TMEM117: variants seen among roughly 807,000 people sequenced by gnomAD.
TMEM117 encodes transmembrane protein 117.
A neutral mutation model predicts 52.4 loss-of-function variants in TMEM117; 27 were observed. That is an observed-to-expected ratio of 0.51 (90% CI 0.38 to 0.71). The LOEUF (loss-of-function observed/expected upper bound fraction) is 0.71, where lower values mean the gene tolerates loss of function less well. Among genes scored for constraint, TMEM117 ranks in the 30% least tolerant of loss-of-function variants. The pLI is 0.00. For missense variants in TMEM117, 556 were observed against 630.5 expected, an observed-to-expected ratio of 0.88 and a Z score of 1.26; for synonymous variants, 215 against 206.3, an observed-to-expected ratio of 1.04 and a Z score of -0.36.
chr12:43,835,490 G>A (rs1345513279), upstream of TMEM117, among the ~76,000 whole-genome samples: 1 of 152,114 alleles, frequency 6.6e-6, no homozygotes, highest in Non-Finnish European at 1.5e-5. Context: ...ATGTGTGTGT[G>A]TGTGTGTGAT....
At chr12:44,205,302 C>T (rs1483597315) in intron 4 of TMEM117, among the ~76,000 whole-genome samples, 1 of 152,166 alleles carries the variant, frequency 6.6e-6, no homozygotes, top group Non-Finnish European at 1.5e-5. Context: ...CCTGTACAAG[C>T]TCTCTTGTTT....
At chr12:44,195,426 T>G (rs565392850) in intron 4 of TMEM117, among the ~76,000 whole-genome samples, 3 of 152,150 alleles carry the variant, frequency 2.0e-5, no homozygotes. Flanking sequence ...CCCAATAATC[T>G]TTCTTTTGCT....
chr12:44,099,299 A>G (rs1483511203), intron 3 of TMEM117, among the ~76,000 whole-genome samples: 2 of 152,060 alleles, frequency 1.3e-5, no homozygotes, highest in African/African-American at 2.4e-5. Flanking sequence ...AAATACTTAA[A>G]TAGATTTCTG....
chr12:43,811,898 A>G, the TMEM117 span, among the ~76,000 whole-genome samples: 2 of 152,246 alleles, frequency 1.3e-5, no homozygotes, highest in Non-Finnish European at 2.9e-5. Flanking sequence ...TGGTTATCAG[A>G]TTTAGAAATA....
chr12:44,332,535 G>A (rs1951284589), intron 6 of TMEM117, among the ~76,000 whole-genome samples: 2 of 151,806 alleles, frequency 1.3e-5, no homozygotes, highest in Admixed American at 1.3e-4. Context: ...TTATAATCCT[G>A]GCATAATTAA....
intron 6 of TMEM117, among the ~76,000 whole-genome samples, chr12:44,340,655 A>G (rs73088686): frequency 0.01 from 1,542 of 152,208 alleles, 11 homozygotes; most frequent in Non-Finnish European, 0.016. Flanking sequence ...TACTGAAAGA[A>G]TATCTAGTAG....
chr12:44,278,053 C>T (rs1002402880), intron 5 of TMEM117, among the ~76,000 whole-genome samples: 3 of 152,094 alleles, frequency 2.0e-5, no homozygotes, highest in Non-Finnish European at 4.4e-5. Flanking sequence ...TGAGCCACTG[C>T]GCCTGGCCAA....
intron 5 of TMEM117, among the ~76,000 whole-genome samples, chr12:44,220,203 A>G (rs1460810116): frequency 6.6e-6 from 1 of 152,152 alleles, no homozygotes; most frequent in African/African-American, 2.4e-5. Context: ...TGGTAGAGTT[A>G]TTTCTCATGG....
At chr12:44,046,414 G>T (rs2137911851) in intron 3 of TMEM117, among the ~76,000 whole-genome samples, 1 of 152,320 alleles carries the variant, frequency 6.6e-6, no homozygotes, top group South Asian at 2.1e-4. Flanking sequence ...AGGTTAGGAA[G>T]AGCATGCATG....
chr12:44,276,720 T>A (rs1950515904), intron 5 of TMEM117, among the ~76,000 whole-genome samples: 1 of 152,194 alleles, frequency 6.6e-6, no homozygotes, highest in East Asian at 1.9e-4. Flanking sequence ...ATTGTATACA[T>A]ATATCAAAGC....
the TMEM117 span, among the ~76,000 whole-genome samples, chr12:44,396,575 C>T: frequency 6.6e-6 from 1 of 151,986 alleles, no homozygotes; most frequent in African/African-American, 2.4e-5. Context: ...TCATTTAGGC[C>T]GGGTGCGGTG....
intron 6 of TMEM117, among the ~76,000 whole-genome samples, chr12:44,344,493 C>T (rs1565737442): frequency 6.6e-6 from 1 of 152,118 alleles, no homozygotes; most frequent in East Asian, 1.9e-4. Context: ...CAGTTGGCAC[C>T]AATAAGAATA....
chr12:43,927,965 CTTCT>C (rs1385754851), intron 2 of TMEM117, among the ~76,000 whole-genome samples: 3 of 151,548 alleles, frequency 2.0e-5, no homozygotes, highest in Non-Finnish European at 3.0e-5. Context: ...ACAGCTTTTC[CTTCT>C]TTCTTTTTTC....
At chr12:44,046,835 G>A (rs1031654327) in intron 3 of TMEM117, among the ~76,000 whole-genome samples, 3 of 152,180 alleles carry the variant, frequency 2.0e-5, no homozygotes, top group African/African-American at 7.2e-5. Flanking sequence ...TAGCATTTAA[G>A]TATCACTACC....
chr12:43,924,866 G>A (rs1944752984), intron 2 of TMEM117, among the ~76,000 whole-genome samples: 1 of 152,202 alleles, frequency 6.6e-6, no homozygotes, highest in South Asian at 2.1e-4. Context: ...TTTGGGAGCA[G>A]GTTGGCTGGT....
chr12:44,352,013 A>G (rs1951568970), intron 6 of TMEM117, among the ~76,000 whole-genome samples: 1 of 151,998 alleles, frequency 6.6e-6, no homozygotes, highest in African/African-American at 2.4e-5. Flanking sequence ...AGGGTCAGAT[A>G]TAAGGCTGGT....
chr12:44,359,391 A>T (rs913063257), intron 6 of TMEM117, among the ~76,000 whole-genome samples: 1 of 152,024 alleles, frequency 6.6e-6, no homozygotes, highest in African/African-American at 2.4e-5. Flanking sequence ...ATATTACCTT[A>T]TGTCTTTTTG....
At chr12:43,963,247 T>G (rs141047313) in intron 3 of TMEM117, among the ~76,000 whole-genome samples, 69 of 151,806 alleles carry the variant, frequency 4.5e-4, no homozygotes, top group African/African-American at 1.6e-3. Context: ...TCTATGTGTA[T>G]GTGTAATATC....
chr12:44,142,933 A>G (rs138745572), intron 3 of TMEM117, among the ~76,000 whole-genome samples: 101 of 152,314 alleles, frequency 6.6e-4, no homozygotes, highest in African/African-American at 2.1e-3. Flanking sequence ...TAGCTATACA[A>G]AAAGTAAATG....
Sources: allele counts gnomAD v4.1 joint callset (sites outside exome capture counted in the v4.1 genomes callset), GRCh38; gene constraint gnomAD v4.1.1; transcripts MANE v1.5; gene names NCBI Gene and HGNC (gene_info 2026-07-23, HGNC 2026-07-21).